CHST11: variants seen among roughly 807,000 people sequenced by gnomAD.
The protein encoded by CHST11 is carbohydrate sulfotransferase 11.
Under a neutral mutation model 30.4 loss-of-function variants are expected in CHST11, and 9 were observed. The ratio of observed to expected loss-of-function variants is 0.30; its 90% CI spans 0.18 to 0.52. The LOEUF is 0.52. Among genes scored for constraint, CHST11 ranks in the 20% least tolerant of loss-of-function variants. CHST11 has a pLI of 0.97. For missense variants in CHST11, 348 were observed against 460.6 expected (o/e 0.76, Z 2.24); for synonymous variants, 152 against 187.8 (o/e 0.81, Z 1.56).
chr12:104,524,858 TA>T (rs1444724709), intron 1 of CHST11, among the ~76,000 whole-genome samples: 2 of 152,238 alleles, frequency 1.3e-5, no homozygotes, highest in African/African-American at 4.8e-5. Context: ...GACACATACC[TA>T]TTTTTATTTT....
chr12:104,592,362 G>A (rs1728163630), intron 1 of CHST11, among the ~76,000 whole-genome samples: 1 of 152,128 alleles, frequency 6.6e-6, no homozygotes, highest in Admixed American at 6.5e-5. Context: ...CAAGACCAAA[G>A]CATTGGCAGA....
intron 2 of CHST11, among the ~76,000 whole-genome samples, chr12:104,692,639 A>G (rs1287087781): frequency 1.3e-5 from 2 of 152,182 alleles, no homozygotes; most frequent in Non-Finnish European, 2.9e-5. Flanking sequence ...CTGGCCTTTT[A>G]GGAACCAGGC....
At chr12:104,571,397 A>G (rs1316561128) in intron 1 of CHST11, among the ~76,000 whole-genome samples, 2 of 151,740 alleles carry the variant, frequency 1.3e-5, no homozygotes, top group African/African-American at 4.8e-5. Context: ...TCCTGACCTC[A>G]GGTGATCCGC....
intron 1 of CHST11, among the ~76,000 whole-genome samples, chr12:104,481,116 G>C (rs1439411848): frequency 6.6e-6 from 1 of 152,182 alleles, no homozygotes; most frequent in African/African-American, 2.4e-5. Flanking sequence ...CTGCTCTGCT[G>C]TAACACTGCA....
chr12:104,485,117 T>C (rs2037663987), intron 1 of CHST11, among the ~76,000 whole-genome samples: 1 of 152,170 alleles, frequency 6.6e-6, no homozygotes, highest in Non-Finnish European at 1.5e-5. Context: ...GAATTGCTGC[T>C]CCAGGACAGC....
intron 1 of CHST11, among the ~76,000 whole-genome samples, chr12:104,549,109 T>C (rs1360868149): frequency 6.6e-6 from 1 of 152,132 alleles, no homozygotes; most frequent in Non-Finnish European, 1.5e-5. Flanking sequence ...ATGATTGCGG[T>C]AAAGCGTCCA....
At chr12:104,655,011 C>T (rs1286590049) in intron 2 of CHST11, among the ~76,000 whole-genome samples, 1 of 152,232 alleles carries the variant, frequency 6.6e-6, no homozygotes, top group African/African-American at 2.4e-5. Flanking sequence ...TTTCTCTCAT[C>T]CTTTGGCTGT....
At chr12:104,731,693 A>C (rs1338736459) in intron 2 of CHST11, among the ~76,000 whole-genome samples, 1 of 152,248 alleles carries the variant, frequency 6.6e-6, no homozygotes, top group African/African-American at 2.4e-5. Context: ...TCCACCTCTC[A>C]GGGTTGAAAG....
chr12:104,553,994 T>G (rs536939013), intron 1 of CHST11, among the ~76,000 whole-genome samples: 1 of 152,268 alleles, frequency 6.6e-6, no homozygotes, highest in East Asian at 1.9e-4. Flanking sequence ...CAAGCTCACA[T>G]GATTGCTGGC....
rs2040522169 is a variant in CHST11 at position 104,761,206 on chromosome 12, G to C, written c.*3403G>C. 2 of 152,212 alleles carry C rather than the reference G, an allele frequency of 1.3e-5. No individual in the cohort carries two copies. Among genetic ancestry groups the C allele is most frequent in the African/African-American group, 4.8e-5 (2 of 41,414 alleles). 9.4% of individuals were successfully genotyped at this position (152,212 alleles called of 1,614,324 possible). A position where few individuals can be genotyped will look rare whatever the true frequency, so the allele number is the denominator to read the frequency against. On this transcript the variant is annotated 3_prime_UTR_variant, in exon 3 of 3. Transcript: ENST00000303694. ...CGTTCCTCCTCCTCCCTGTGCACCA[G>C]GTGGGCTGCACCCTCCTGCCTATTC...
chr12:104,575,802 C>T (rs907460730), intron 1 of CHST11, among the ~76,000 whole-genome samples: 2 of 152,076 alleles, frequency 1.3e-5, no homozygotes, highest in African/African-American at 4.8e-5. Flanking sequence ...GCCCGTCCTG[C>T]CCTTTCCTAC....
At chr12:104,486,042 C>CTG (rs369583583) in intron 1 of CHST11, among the ~76,000 whole-genome samples, 2 of 152,174 alleles carry the variant, frequency 1.3e-5, no homozygotes, top group Admixed American at 1.3e-4. Flanking sequence ...CTGTGTGTGC[C>CTG]TGTGTGTGTG....
intron 1 of CHST11, among the ~76,000 whole-genome samples, chr12:104,510,311 A>C (rs565632110): frequency 1.3e-5 from 2 of 152,282 alleles, no homozygotes; most frequent in Non-Finnish European, 2.9e-5. Context: ...TTGGCTCTAG[A>C]CTGCAGCCAT....
chr12:104,662,369 C>G (rs557754687), intron 2 of CHST11, among the ~76,000 whole-genome samples: 3 of 152,328 alleles, frequency 2.0e-5, no homozygotes, highest in African/African-American at 7.2e-5. Flanking sequence ...CTTGAATCAT[C>G]AAATGAAAGG....
rs1326573006 is a variant in CHST11 at position 104,600,735 on chromosome 12, C to T, written c.119-1171C>T. Among the ~76,000 whole-genome samples the T allele has an allele frequency of 1.3e-5, 2 of 152,258 alleles. No individual in the cohort carries two copies. Among genetic ancestry groups the T allele is most frequent in the Non-Finnish European group, 2.9e-5 (2 of 68,004 alleles). The stretch of plus-strand genomic sequence containing the variant: ...GTGGAGCAGGTGAATTCTTTAGGCT[C>T]ATGAAAGGATCTAGTTTTCCTTGTT... On this transcript the variant is annotated intron_variant, in intron 1 of 2. Coordinates refer to ENST00000303694, the MANE Select transcript of CHST11 (RefSeq NM_018413.6). This position sits in a 1 kb window ranked among gnomAD's most constrained non-coding sequence, Gnocchi z 4.1.
In CHST11 at chr12:104,729,774, G is replaced by A. The variant is rs1176295039; in HGVS notation, c.205-27175G>A. Among the ~76,000 whole-genome samples the A allele has an allele frequency of 6.6e-6, 1 of 152,194 alleles. No homozygotes were observed. The highest frequency in any genetic ancestry group is 2.4e-5 in the African/African-American group (1 of 41,432). ...GGGGGAGCTCGATGGCGCTGGGGCA[G>A]AGGTCTGCGGAGAGTAGGTTGGGTT... On this transcript the variant is annotated intron_variant, in intron 2 of 2. Transcript: ENST00000303694. This position sits in a 1 kb window ranked among gnomAD's most constrained non-coding sequence, Gnocchi z 4.0.
chr12:104,553,818 G>A lies in CHST11; in HGVS notation c.119-48088G>A, dbSNP rs375853370. ...TGCATAACAAATTGTCACAAATCTGGCAGCTTAAAACAACACACGTTTATT... is the reference window on the plus strand; with the variant it reads ...TGCATAACAAATTGTCACAAATCTGACAGCTTAAAACAACACACGTTTATT... On this transcript the variant is annotated intron_variant, in intron 1 of 2. Transcript: ENST00000303694. Among the ~76,000 whole-genome samples, 33 of 152,296 alleles carry A rather than the reference G, an allele frequency of 2.2e-4. No individual in the cohort carries two copies. In the East Asian group the frequency reaches 4.4e-3, roughly 20 times the overall value.
At chr12:104,611,486 AGG>A (rs1592792917) in intron 2 of CHST11, among the ~76,000 whole-genome samples, 1 of 152,336 alleles carries the variant, frequency 6.6e-6, no homozygotes, top group East Asian at 1.9e-4. Context: ...CCTTGAGGGA[AGG>A]AGCTATGTCT....
intron 1 of CHST11, among the ~76,000 whole-genome samples, chr12:104,571,807 T>A (rs1443144782): frequency 6.6e-6 from 1 of 152,210 alleles, no homozygotes; most frequent in Non-Finnish European, 1.5e-5. Context: ...TCAAAGGGAC[T>A]GCTTCCAGTT....
Sources: gnomAD v4.1 joint callset for allele counts (sites outside exome capture counted in the v4.1 genomes callset) on GRCh38, gnomAD v4.1.1 for gene constraint, Gnocchi (gnomAD v3.1) non-coding constraint, MANE v1.5 for transcripts, NCBI Gene and HGNC (gene_info 2026-07-23, HGNC 2026-07-21) for gene names.